ZNF543: variants seen among roughly 807,000 people sequenced by gnomAD.
The protein encoded by ZNF543 is zinc finger protein 543.
A neutral mutation model predicts 13.4 loss-of-function variants in ZNF543; 10 were observed. The observed-to-expected ratio is 0.75, with a 90% CI of 0.46 to 1.26. The LOEUF is 1.26. Among genes scored for constraint, ZNF543 ranks in the 50% most tolerant of loss-of-function variants. ZNF543 has a pLI of 0.00. For missense variants in ZNF543, 768 were observed against 741.2 expected (o/e 1.04, Z -0.42); for synonymous variants, 272 against 264.7 (o/e 1.03, Z -0.27).
At position 57,327,996 on chromosome 19, in the gene ZNF543, C is replaced by CT; in HGVS notation, c.535dup (p.Tyr179LeufsTer2). On this transcript the variant is annotated frameshift_variant, in exon 4 of 4. Coordinates refer to ENST00000321545, the MANE Select transcript of ZNF543 (RefSeq NM_213598.4). LOFTEE classifies it low-confidence loss of function (END_TRUNC). ...AACAAGTTTCAACAGAAGGTGATCT[C>CT]TATGAATGTGATTCACATGGACCAG... 1 of 1,614,184 alleles carries CT rather than the reference C, an allele frequency of 6.2e-7. No individual in the cohort carries two copies. The highest frequency in any genetic ancestry group is 8.5e-7 in the Non-Finnish European group (1 of 1,180,052).
chr19:57,328,669 G>A lies in ZNF543; in HGVS notation c.1207G>A (p.Ala403Thr), dbSNP rs1165748279. The A allele has an allele frequency of 6.2e-7, 1 of 1,613,406 alleles. No individual in the cohort carries two copies. Among genetic ancestry groups the A allele is most frequent in the East Asian group, 2.2e-5 (1 of 44,854 alleles). ...KPYKCMECGK[A>T]FNRRSHLKQH... is the part of the protein sequence containing the mutation. ...CTATAAGTGCATGGAGTGTGGGAAG[G>A]CGTTCAACCGTAGGTCACACCTCAA... The change falls in exon 4 of 4, where the codon GCG becomes ACG. Residue 403 changes from alanine to threonine, a missense_variant. By Grantham distance (58) the Ala-to-Thr change is moderately conservative (BLOSUM62 0). Coordinates refer to ENST00000321545, the MANE Select transcript of ZNF543 (RefSeq NM_213598.4).
rs973042987 is a variant in ZNF543, at chr19:57,321,240, C to G, written c.18+369C>G. Reference sequence around the variant, plus strand: ...GCCACCAACCTGACCGTGCAGTCTTCTTCCTTTTTCCAGGCTTTCTCTTTG... The same window carrying G: ...GCCACCAACCTGACCGTGCAGTCTTGTTCCTTTTTCCAGGCTTTCTCTTTG... On this transcript the variant is annotated intron_variant, in intron 1 of 3. Transcript: ENST00000321545. 2.0e-5 allele frequency among the ~76,000 whole-genome samples: 3 copies of G among 152,204 alleles called. No individual in the cohort carries two copies. In the East Asian group the frequency reaches 5.8e-4, roughly 29 times the overall value.
chr19:57,327,117 TC>T (rs1321126557), intron 3 of ZNF543, among the ~76,000 whole-genome samples: 3 of 152,002 alleles, frequency 2.0e-5, no homozygotes, highest in African/African-American at 7.2e-5. Flanking sequence ...TCCTCCTGCC[TC>T]AGTGTTCGAA....
At position 57,328,161 on chromosome 19, in the gene ZNF543, G is replaced by GA. The variant is rs2088135347; in HGVS notation, c.703dup (p.Thr235AsnfsTer3). ...AGCCCTATGAATGCACAGAGTGTGG[G>GA]AAAACCTTTAGCAAGAGCACTCATC... On this transcript the variant is annotated frameshift_variant, in exon 4 of 4. Coordinates refer to ENST00000321545, the MANE Select transcript of ZNF543 (RefSeq NM_213598.4). LOFTEE classifies it low-confidence loss of function (END_TRUNC). The GA allele has an allele frequency of 6.2e-7, 1 of 1,614,184 alleles. No homozygotes were observed.
intron 3 of ZNF543, among the ~76,000 whole-genome samples, chr19:57,327,138 C>T (rs2088126603): frequency 6.6e-6 from 1 of 151,836 alleles, no homozygotes; most frequent in African/African-American, 2.4e-5. Flanking sequence ...AAATGCTGAG[C>T]CACCAAGCCT....
intron 1 of ZNF543, among the ~76,000 whole-genome samples, chr19:57,321,090 A>G (rs983098916): frequency 6.6e-6 from 1 of 152,180 alleles, no homozygotes; most frequent in African/African-American, 2.4e-5. Context: ...TGCTTCCTTC[A>G]TGGATCTCAT....
intron 2 of ZNF543, among the ~76,000 whole-genome samples, chr19:57,326,421 C>A (rs1037688862): frequency 2.0e-5 from 3 of 152,166 alleles, no homozygotes; most frequent in Admixed American, 2.0e-4. Flanking sequence ...CTGCCTTGGC[C>A]TCCCAAAGTG....
rs892803829 is a variant in ZNF543, at chr19:57,328,398, G to T, written c.936G>T (p.Val312=). 2 of 1,612,026 alleles carry T rather than the reference G, an allele frequency of 1.2e-6. No individual in the cohort carries two copies. Among genetic ancestry groups the T allele is most frequent in the African/African-American group, 1.3e-5 (1 of 74,266 alleles). The part of the protein sequence containing the change: ...HRSHTGEKPF[V]CKECGKAFRD... ...GCCACACTGGAGAAAAACCCTTTGT[G>T]TGCAAAGAGTGTGGCAAAGCCTTTC... Residue 312 remains valine (V), a synonymous_variant, in exon 4 of 4, where the codon GTG becomes GTT. Transcript: ENST00000321545.
In ZNF543 at chr19:57,330,692, G is replaced by C. The variant is rs771461238; in HGVS notation, c.*1427G>C. ...TTCCTTTTTTATATTTTTAAGACTA[G>C]ATTTTGAGCCATGTGATAGTTTTAC... On this transcript the variant is annotated 3_prime_UTR_variant, in exon 4 of 4. Coordinates refer to ENST00000321545, the MANE Select transcript of ZNF543 (RefSeq NM_213598.4). The C allele has an allele frequency of 9.2e-5, 14 of 152,004 alleles. No homozygotes were observed. The highest frequency in any genetic ancestry group is 1.8e-4 in the Non-Finnish European group (12 of 68,008). The allele number at this position is 152,004 out of a possible 1,614,324, so 9.4% of individuals were successfully genotyped here. A position where few individuals can be genotyped will look rare whatever the true frequency, so the allele number is the denominator to read the frequency against.
rs1219402660 is a variant in ZNF543 at position 57,327,828 on chromosome 19, G to A, written c.366G>A (p.Lys122=). 6.2e-7 allele frequency: 1 copy of A among 1,614,104 alleles called. No individual in the cohort carries two copies. The highest frequency in any genetic ancestry group is 1.1e-5 in the South Asian group (1 of 91,086). ...AGAACTCCCAATTAGGGCAATCCAA[G>A]GATCAGGATGGGCCATCTGAAATGC... ...ASKNSQLGQS[K]DQDGPSEMQE... is the part of the protein sequence containing the mutation. The change falls in exon 4 of 4, where the codon AAG becomes AAA. Residue 122 remains lysine, a synonymous_variant. Coordinates refer to ENST00000321545, the MANE Select transcript of ZNF543 (RefSeq NM_213598.4).
At chr19:57,322,192 A>G (rs2088093948) in intron 1 of ZNF543, among the ~76,000 whole-genome samples, 1 of 152,170 alleles carries the variant, frequency 6.6e-6, no homozygotes, top group African/African-American at 2.4e-5. Context: ...AGGTAGTGAT[A>G]GCTCGTTGTG....
intron 2 of ZNF543, among the ~76,000 whole-genome samples, chr19:57,324,354 GA>G (rs56924099): frequency 0.46 from 46,617 of 101,604 alleles, 9,063 homozygotes; most frequent in African/African-American, 0.58. Flanking sequence ...GACTCCGTCT[GA>G]AAAAAAAAAA....
chr19:57,326,252 G>A (rs896845041), intron 2 of ZNF543, among the ~76,000 whole-genome samples: 2 of 152,012 alleles, frequency 1.3e-5, no homozygotes, highest in African/African-American at 2.4e-5. Flanking sequence ...GCATGATCTC[G>A]GTTCACTACA....
In ZNF543 at chr19:57,329,974, A is replaced by G. The variant is rs1239126180; in HGVS notation, c.*709A>G. 1.3e-5 allele frequency: 2 copies of G among 152,054 alleles called. No homozygotes were observed. The highest frequency in any genetic ancestry group is 2.9e-5 in the Non-Finnish European group (2 of 68,000). 9.4% of individuals were successfully genotyped at this position (152,054 alleles called of 1,614,324 possible). A position where few individuals can be genotyped will look rare whatever the true frequency, so the allele number is the denominator to read the frequency against. On this transcript the variant is annotated 3_prime_UTR_variant, in exon 4 of 4. Transcript: ENST00000321545. ...AGAAACGAAAGATCTCATCCCCTTTATTTTTCTGTGTATGCATTCACTGCT... is the reference window on the plus strand; with the variant it reads ...AGAAACGAAAGATCTCATCCCCTTTGTTTTTCTGTGTATGCATTCACTGCT...
At position 57,323,994 on chromosome 19, in the gene ZNF543, C is replaced by T. The variant is rs59958393; in HGVS notation, c.145+186C>T. On this transcript the variant is annotated intron_variant, in intron 2 of 3. Transcript: ENST00000321545. ...CAGGAGTCCACTCCCATCTCCACTG[C>T]TCATGATCCCTGTGTTCCTGGGCAA... Among the ~76,000 whole-genome samples, 365 of 152,266 alleles carry T rather than the reference C, an allele frequency of 2.4e-3. 3 individuals carry two copies. Among genetic ancestry groups the T allele is most frequent in the African/African-American group, 8.2e-3 (339 of 41,548 alleles).
chr19:57,324,226 C>G (rs1425831704), intron 2 of ZNF543, among the ~76,000 whole-genome samples: 1 of 152,004 alleles, frequency 6.6e-6, no homozygotes, highest in African/African-American at 2.4e-5. Flanking sequence ...TGGCGGGTGC[C>G]TGTAATCCCA....
In ZNF543 at chr19:57,329,165, TG is replaced by T; in HGVS notation, c.1706del (p.Gly569GlufsTer5). On this transcript the variant is annotated frameshift_variant, in exon 4 of 4. Transcript: ENST00000321545. LOFTEE classifies it low-confidence loss of function (END_TRUNC). Reference sequence around the variant, plus strand: ...AGAAACCCTACCATTGTAACAGATGTGGGAAGACCTTTTATGACTGCACAGA... The same window carrying T: ...AGAAACCCTACCATTGTAACAGATGTGGAAGACCTTTTATGACTGCACAGA... ...TGRNPTIVTD[V>X]GRPFMTAQTS... 6.2e-7 allele frequency: 1 copy of T among 1,614,220 alleles called. No individual in the cohort carries two copies. Among genetic ancestry groups the T allele is most frequent in the Non-Finnish European group, 8.5e-7 (1 of 1,180,028 alleles).
Position 57,329,834 on chromosome 19 carries a change from G to A in ZNF543, c.*569G>A, listed in dbSNP as rs1394324587. On this transcript the variant is annotated 3_prime_UTR_variant, in exon 4 of 4. Transcript: ENST00000321545. ...GCCATCTCAGGGATATTTAAACAAAGGAAGAGGAAATATAGGGAAGAGAAA... is the reference window on the plus strand; with the variant it reads ...GCCATCTCAGGGATATTTAAACAAAAGAAGAGGAAATATAGGGAAGAGAAA... 6.6e-6 allele frequency: 1 copy of A among 152,334 alleles called. No homozygotes were observed. Among genetic ancestry groups the A allele is most frequent in the African/African-American group, 2.4e-5 (1 of 41,454 alleles). 9.4% of individuals were successfully genotyped at this position (152,334 alleles called of 1,614,324 possible).
Position 57,320,811 on chromosome 19 carries a change from G to T in ZNF543, c.-43G>T. On this transcript the variant is annotated 5_prime_UTR_variant, in exon 1 of 4. Coordinates refer to ENST00000321545, the MANE Select transcript of ZNF543 (RefSeq NM_213598.4). ...CAGAGAAGGGCTGGGGGTCGGCTGAGCCGCGGCATTCCCGGGCCCCGCTAG... is the reference window on the plus strand; with the variant it reads ...CAGAGAAGGGCTGGGGGTCGGCTGATCCGCGGCATTCCCGGGCCCCGCTAG... 1 of 1,612,818 alleles carries T rather than the reference G, an allele frequency of 6.2e-7. No homozygotes were observed. The highest frequency in any genetic ancestry group is 1.1e-5 in the South Asian group (1 of 90,974).
Sources: gnomAD v4.1 joint callset for allele counts (sites outside exome capture counted in the v4.1 genomes callset) on GRCh38, gnomAD v4.1.1 for gene constraint, MANE v1.5 for transcripts, NCBI Gene and HGNC (gene_info 2026-07-23, HGNC 2026-07-21) for gene names.